The following FEM1B variants were observed in gnomAD, a reference collection of about 807,000 sequenced individuals.
The protein encoded by FEM1B is fem-1 homolog B, also known as protein fem-1 homolog B.
A neutral mutation model predicts 38.6 loss-of-function variants in FEM1B; 10 were observed. The ratio of observed to expected loss-of-function variants is 0.26; its 90% CI spans 0.16 to 0.44. FEM1B has a LOEUF of 0.44. Ranked by LOEUF, FEM1B falls within the 20% of genes least tolerant of loss-of-function variation. The probability of loss-of-function intolerance (pLI) is 1.00; values close to 1 mark genes in which losing one functional copy is unlikely to be tolerated. For synonymous variants in FEM1B, 288 were observed against 288.0 expected (o/e 1.00, Z 0.00); for missense variants, 471 against 786.7 (o/e 0.60, Z 4.80).
rs1892697998 is a variant in FEM1B at position 68,278,940 on chromosome 15, A to G, written c.248+275A>G. On this transcript the variant is annotated intron_variant, in intron 1 of 1. Transcript: ENST00000306917. This position sits in a 1 kb window ranked among gnomAD's most constrained non-coding sequence, Gnocchi z 5.7. ...TTGAAATCTAATAGTCGTCTTCTCT[A>G]CTAGATAGTCTGTGAACAAGCCATT... 2.0e-5 allele frequency among the ~76,000 whole-genome samples: 3 copies of G among 152,096 alleles called. No homozygotes were observed. The highest frequency in any genetic ancestry group is 4.4e-5 in the Non-Finnish European group (3 of 68,022).
chr15:68,291,004 T>G lies in FEM1B; in HGVS notation c.1646T>G (p.Phe549Cys). 6.2e-7 allele frequency: 1 copy of G among 1,614,204 alleles called. No individual in the cohort carries two copies. The highest frequency in any genetic ancestry group is 1.1e-5 in the South Asian group (1 of 91,084). The change falls in exon 2 of 2, where the codon TTT becomes TGT. Residue 549 changes from phenylalanine to cysteine, a missense_variant. Around this residue, in one of 3 missense-constraint regions of FEM1B, gnomAD observed 380 missense variants for 599.6 expected, o/e 0.63. Coordinates refer to ENST00000306917, the MANE Select transcript of FEM1B (RefSeq NM_015322.5). This position sits in a 1 kb window ranked among gnomAD's most constrained non-coding sequence, Gnocchi z 6.9. ...IVQYNRPISD[F>C]LTLHSIIISL... ...CAGTACAACAGGCCCATCAGTGATTTTTTGACCTTGCACTCCATCATCATT... is the reference window on the plus strand; with the variant it reads ...CAGTACAACAGGCCCATCAGTGATTGTTTGACCTTGCACTCCATCATCATT...
chr15:68,291,603 T>C lies in FEM1B; in HGVS notation c.*361T>C, dbSNP rs368263455. On this transcript the variant is annotated 3_prime_UTR_variant, in exon 2 of 2. Transcript: ENST00000306917. This position sits in a 1 kb window ranked among gnomAD's most constrained non-coding sequence, Gnocchi z 6.9. ...CTTACAAAAGTATTTCTGTTAAGCC[T>C]ATGTCAGCATGTTATCCATGCAGCA... The C allele has an allele frequency of 5.0e-6, 1 of 198,538 alleles. No homozygotes were observed. 12.3% of individuals were successfully genotyped at this position (198,538 alleles called of 1,614,324 possible). A position where few individuals can be genotyped will look rare whatever the true frequency, so the allele number is the denominator to read the frequency against.
chr15:68,285,902 C>T (rs570006003), intron 1 of FEM1B, among the ~76,000 whole-genome samples: 2 of 147,678 alleles, frequency 1.4e-5, no homozygotes, highest in South Asian at 4.3e-4. Flanking sequence ...CCAATAAATA[C>T]TTTCTTTTTC....
rs1289896678 is a variant in FEM1B, at chr15:68,288,573, A to G, written c.249-1034A>G. Among the ~76,000 whole-genome samples the G allele has an allele frequency of 6.6e-6, 1 of 152,214 alleles. No homozygotes were observed. The highest frequency in any genetic ancestry group is 1.9e-4 in the East Asian group (1 of 5,202). ...AAGGTGGGAAAGATCAGACTCTAGC[A>G]ATAGTCTAATTTTGTATGTTAAGTA... On this transcript the variant is annotated intron_variant, in intron 1 of 1. Coordinates refer to ENST00000306917, the MANE Select transcript of FEM1B (RefSeq NM_015322.5). This position sits in a 1 kb window ranked among gnomAD's most constrained non-coding sequence, Gnocchi z 4.6.
intron 1 of FEM1B, among the ~76,000 whole-genome samples, chr15:68,279,080 G>T (rs578020857): frequency 6.6e-6 from 1 of 152,204 alleles, no homozygotes; most frequent in Non-Finnish European, 1.5e-5. Context: ...AGTTATTTGG[G>T]CATCCATTTT....
At chr15:68,286,247 T>A (rs1472089466) in intron 1 of FEM1B, among the ~76,000 whole-genome samples, 1 of 152,022 alleles carries the variant, frequency 6.6e-6, no homozygotes, top group Non-Finnish European at 1.5e-5. Flanking sequence ...GTTGATAATA[T>A]TATTCTGTCC....
rs761110543 is a variant in FEM1B, at chr15:68,278,550, C to G, written c.133C>G (p.Gln45Glu). 3 of 1,614,124 alleles carry G rather than the reference C, an allele frequency of 1.9e-6. No homozygotes were observed. Among genetic ancestry groups the G allele is most frequent in the South Asian group, 2.2e-5 (2 of 91,082 alleles). ...LLGYVSQQGGQRSTPLIIAAR... is the reference protein window; with the variant it reads ...LLGYVSQQGGERSTPLIIAAR... ...TGGCTATGTCAGCCAGCAGGGAGGG[C>G]AGCGCTCCACGCCCCTCATCATCGC... The change falls in exon 1 of 2, where the codon CAG becomes GAG. Residue 45 changes from glutamine (Q) to glutamate (E), a missense_variant. By Grantham distance (29) the Gln-to-Glu change is conservative. Transcript: ENST00000306917. The surrounding 1 kb of genome is among the most constrained non-coding windows in gnomAD (Gnocchi z 5.7).
intron 1 of FEM1B, among the ~76,000 whole-genome samples, chr15:68,283,473 G>A (rs1046529926): frequency 1.4e-5 from 2 of 139,978 alleles, no homozygotes; most frequent in African/African-American, 5.5e-5. Flanking sequence ...AGACCATCCT[G>A]GGCAACATAG....
rs1892828378 is a variant in FEM1B at position 68,289,957 on chromosome 15, T to C, written c.599T>C (p.Ile200Thr). The C allele has an allele frequency of 6.2e-7, 1 of 1,614,052 alleles. No homozygotes were observed. The highest frequency in any genetic ancestry group is 1.7e-5 in the Admixed American group (1 of 60,000). The change falls in exon 2 of 2, where the codon ATA becomes ACA. Residue 200 changes from isoleucine to threonine, a missense_variant. Physicochemically the swap from Ile to Thr is moderately conservative, Grantham distance 89 (BLOSUM62 -1). Coordinates refer to ENST00000306917, the MANE Select transcript of FEM1B (RefSeq NM_015322.5). This position sits in a 1 kb window ranked among gnomAD's most constrained non-coding sequence, Gnocchi z 6.9. ...ALHFAAEAGH[I>T]DIVKELIKWR... ...CACTTTGCAGCTGAAGCTGGGCACA[T>C]AGATATTGTGAAAGAGCTGATAAAA...
chr15:68,290,867 C>A lies in FEM1B; in HGVS notation c.1509C>A (p.Thr503=). The change falls in exon 2 of 2, where the codon ACC becomes ACA. Residue 503 remains threonine, a synonymous_variant. Coordinates refer to ENST00000306917, the MANE Select transcript of FEM1B (RefSeq NM_015322.5). This position sits in a 1 kb window ranked among gnomAD's most constrained non-coding sequence, Gnocchi z 9.7. ...NSNTPVDDFH[T]NDVCSFPNAL... ...ATACTCCAGTTGATGATTTCCACAC[C>A]AATGACGTCTGCAGCTTTCCAAATG... 5 of 1,614,086 alleles carry A rather than the reference C, an allele frequency of 3.1e-6. No individual in the cohort carries two copies. The highest frequency in any genetic ancestry group is 4.2e-6 in the Non-Finnish European group (5 of 1,179,988).
chr15:68,290,097 A>C lies in FEM1B; in HGVS notation c.739A>C (p.Arg247=). Residue 247 remains arginine (R), a synonymous_variant, in exon 2 of 2, where the codon AGA becomes CGA. Coordinates refer to ENST00000306917, the MANE Select transcript of FEM1B (RefSeq NM_015322.5). This position sits in a 1 kb window ranked among gnomAD's most constrained non-coding sequence, Gnocchi z 9.7. The part of the protein sequence containing the change: ...LLLSHADCDR[R]SRIEALELLG... ...ACTCTCTCATGCTGATTGCGACCGA[A>C]GAAGTCGGATTGAAGCTTTGGAACT... The C allele has an allele frequency of 6.2e-7, 1 of 1,614,216 alleles. No homozygotes were observed. Among genetic ancestry groups the C allele is most frequent in the Admixed American group, 1.7e-5 (1 of 60,032 alleles).
chr15:68,290,450 C>T lies in FEM1B; in HGVS notation c.1092C>T (p.Ile364=). 6.2e-7 allele frequency: 1 copy of T among 1,614,144 alleles called. No homozygotes were observed. The highest frequency in any genetic ancestry group is 1.3e-5 in the African/African-American group (1 of 75,048). The stretch of plus-strand genomic sequence containing the variant: ...ATAATATGGAATTTGAGCAGTGTAT[C>T]AAGTTGTGGCTTCATGCCCTGCACC... The part of the protein sequence containing the change: ...YADNMEFEQC[I]KLWLHALHLR... The change falls in exon 2 of 2, where the codon ATC becomes ATT. Residue 364 remains isoleucine (I), a synonymous_variant. Transcript: ENST00000306917. The surrounding 1 kb of genome is among the most constrained non-coding windows in gnomAD (Gnocchi z 9.7).
intron 1 of FEM1B, among the ~76,000 whole-genome samples, chr15:68,285,548 T>C (rs990863468): frequency 6.6e-6 from 1 of 152,252 alleles, no homozygotes; most frequent in African/African-American, 2.4e-5. Context: ...CCTGTCAGTC[T>C]TGTTAAATTT....
rs150430252 is a variant in FEM1B, at chr15:68,291,748, G to C, written c.*506G>C. ...GTTTACACTCTTCCATTATTTATAC[G>C]GAGTGATGCAGCACATTTTAGCATT... On this transcript the variant is annotated 3_prime_UTR_variant, in exon 2 of 2. Transcript: ENST00000306917. This position sits in a 1 kb window ranked among gnomAD's most constrained non-coding sequence, Gnocchi z 6.9. 2 of 152,736 alleles carry C rather than the reference G, an allele frequency of 1.3e-5. No individual in the cohort carries two copies. The highest frequency in any genetic ancestry group is 3.8e-4 in the East Asian group (2 of 5,208). The allele number at this position is 152,736 out of a possible 1,614,324, so 9.5% of individuals were successfully genotyped here. A position where few individuals can be genotyped will look rare whatever the true frequency, so the allele number is the denominator to read the frequency against.
At chr15:68,285,009 T>C (rs1245256742) in intron 1 of FEM1B, among the ~76,000 whole-genome samples, 1 of 152,224 alleles carries the variant, frequency 6.6e-6, no homozygotes, top group Non-Finnish European at 1.5e-5. Flanking sequence ...CTTTTGTAAG[T>C]TGCCCAGTTT....
At chr15:68,287,111 G>C (rs1320347728) in intron 1 of FEM1B, among the ~76,000 whole-genome samples, 1 of 152,232 alleles carries the variant, frequency 6.6e-6, no homozygotes, top group African/African-American at 2.4e-5. Flanking sequence ...GGTTGGTCTC[G>C]AACTCCTGAC....
chr15:68,279,109 G>T (rs1225094752), intron 1 of FEM1B, among the ~76,000 whole-genome samples: 2 of 152,198 alleles, frequency 1.3e-5, no homozygotes, highest in African/African-American at 4.8e-5. Flanking sequence ...TCAAGTGAGT[G>T]GTTCCGTAAA....
intron 1 of FEM1B, among the ~76,000 whole-genome samples, chr15:68,286,736 G>A (rs1892791922): frequency 6.6e-6 from 1 of 152,078 alleles, no homozygotes; most frequent in South Asian, 2.1e-4. Context: ...TGTTGCAAGT[G>A]TTATTTTTTG....
intron 1 of FEM1B, among the ~76,000 whole-genome samples, chr15:68,283,941 A>G (rs554122008): frequency 5.3e-5 from 8 of 150,036 alleles, no homozygotes; most frequent in African/African-American, 1.7e-4. Context: ...GCTAAAGTGC[A>G]ATGGCGTGAT....
Sources: gnomAD v4.1 joint callset for allele counts (sites outside exome capture counted in the v4.1 genomes callset) on GRCh38, gnomAD v4.1.1 for gene constraint, gnomAD v4.1.1 regional missense constraint, Gnocchi (gnomAD v3.1) non-coding constraint, MANE v1.5 for transcripts, NCBI Gene and HGNC (gene_info 2026-07-23, HGNC 2026-07-21) for gene names.